Variants in TUSC3 observed in about 807,000 individuals in gnomAD.
The protein encoded by TUSC3 is dolichyl-diphosphooligosaccharide--protein glycosyltransferase subunit TUSC3.
TUSC3 carries 45 observed loss-of-function variants against 44.8 expected under a neutral mutation model. That is an observed-to-expected ratio of 1.00 (90% confidence interval 0.79 to 1.29). The LOEUF is 1.29. Among genes scored for constraint, TUSC3 ranks in the 50% most tolerant of loss-of-function variants. TUSC3 has a pLI of 0.00. For missense variants in TUSC3, 519 were observed against 437.9 expected, an observed-to-expected ratio of 1.19 and a Z score of -1.65; for synonymous variants, 212 against 152.9, an observed-to-expected ratio of 1.39 and a Z score of -2.85.
chr8:15,710,054 C>CT (rs1809780207), intron 6 of TUSC3, among the ~76,000 whole-genome samples: 1 of 151,858 alleles, frequency 6.6e-6, no homozygotes, highest in Non-Finnish European at 1.5e-5. Context: ...GTGGACTTAT[C>CT]TACAGTCTAT....
chr8:15,540,166 C>T (rs556251282), upstream of TUSC3: 16 of 423,366 alleles, frequency 3.8e-5, no homozygotes, highest in Admixed American at 9.2e-5. Context: ...CGGGAGCGCA[C>T]GCCGCGCCCC....
chr8:15,496,211 T>C (rs1197099635), intron 2 of TUSC3, among the ~76,000 whole-genome samples: 4 of 152,228 alleles, frequency 2.6e-5, no homozygotes, highest in African/African-American at 9.6e-5. Context: ...TCTGCTACAT[T>C]TTCTAGCTTC....
intron 7 of TUSC3, chr8:15,733,292 A>G (rs1810796680): frequency 8.6e-6 from 3 of 348,570 alleles, no homozygotes; most frequent in Admixed American, 8.3e-5. Context: ...ATAGAAACAT[A>G]AAGCATTTGT....
chr8:15,583,592 G>C (rs1001774552), intron 1 of TUSC3, among the ~76,000 whole-genome samples: 5 of 152,148 alleles, frequency 3.3e-5, no homozygotes, highest in African/African-American at 1.2e-4. Context: ...TTCAATGTAA[G>C]AAAGAAGAAT....
intron 1 of TUSC3, among the ~76,000 whole-genome samples, chr8:15,481,370 C>G (rs1237874344): frequency 6.6e-6 from 1 of 151,968 alleles, no homozygotes; most frequent in East Asian, 1.9e-4. Flanking sequence ...TAGCAGCTTC[C>G]TTATTAAAGG....
chr8:15,691,590 C>T (rs1251414494), intron 6 of TUSC3, among the ~76,000 whole-genome samples: 2 of 152,106 alleles, frequency 1.3e-5, no homozygotes, highest in Non-Finnish European at 2.9e-5. Flanking sequence ...CTTGTTCCAG[C>T]TTTCAAGGGG....
intron 1 of TUSC3, among the ~76,000 whole-genome samples, chr8:15,593,113 TCTCA>T (rs1434366947): frequency 1.3e-5 from 2 of 152,118 alleles, no homozygotes; most frequent in Non-Finnish European, 2.9e-5. Context: ...TGAGACGGAG[TCTCA>T]CTCTGTTGCC....
chr8:15,576,449 AT>A (rs1327552728), intron 1 of TUSC3, among the ~76,000 whole-genome samples: 1 of 122,256 alleles, frequency 8.2e-6, no homozygotes, highest in Admixed American at 8.3e-5. Context: ...TCCCAATGCT[AT>A]CCCTCCCCCC....
intron 1 of TUSC3, among the ~76,000 whole-genome samples, chr8:15,463,483 G>A (rs888466288): frequency 6.6e-6 from 1 of 152,096 alleles, no homozygotes; most frequent in Non-Finnish European, 1.5e-5. Context: ...TCACCTGATT[G>A]TGCAGTTTAT....
intron 2 of TUSC3, among the ~76,000 whole-genome samples, chr8:15,503,503 G>C (rs778356295): frequency 1.3e-5 from 2 of 151,878 alleles, no homozygotes; most frequent in Non-Finnish European, 2.9e-5. Context: ...AATTTAAGTA[G>C]GCTTTGCTTC....
At chr8:15,719,516 C>CA (rs1554481164) in intron 6 of TUSC3, among the ~76,000 whole-genome samples, 10 of 16,244 alleles carry the variant, frequency 6.2e-4, no homozygotes, top group African/African-American at 1.9e-3. Context: ...CACACACACA[C>CA]CACACACACA....
the TUSC3 span, among the ~76,000 whole-genome samples, chr8:15,798,954 C>G: frequency 6.6e-6 from 1 of 152,172 alleles, no homozygotes; most frequent in Non-Finnish European, 1.5e-5. Flanking sequence ...TCCAGTGGGT[C>G]TCCTATATCA....
chr8:15,645,711 T>G (rs1806595721), intron 2 of TUSC3, among the ~76,000 whole-genome samples: 1 of 152,140 alleles, frequency 6.6e-6, no homozygotes, highest in Admixed American at 6.5e-5. Context: ...GGATATCACA[T>G]GATGATTTAG....
At chr8:15,769,099 A>C (rs998116932), downstream of TUSC3, among the ~76,000 whole-genome samples, 1 of 152,182 alleles carries the variant, frequency 6.6e-6, no homozygotes, top group Non-Finnish European at 1.5e-5. Flanking sequence ...GGAACCAAAA[A>C]AAAGCCTGCA....
In TUSC3 at chr8:15,540,536, A is replaced by C; in HGVS notation, c.106A>C (p.Ile36Leu). 6.2e-7 allele frequency: 1 copy of C among 1,602,472 alleles called. No individual in the cohort carries two copies. Residue 36 changes from isoleucine (I) to leucine (L), a missense_variant, in exon 1 of 11, where the codon ATC becomes CTC. Physicochemically the swap from Ile to Leu is conservative, Grantham distance 5. Coordinates refer to ENST00000503731, the MANE Select transcript of TUSC3 (RefSeq NM_006765.4). ...CCTTCTCCTGCTGCTGCTGCTCTGC[A>C]TCCAGCTCGGGGGAGGACAGAAGAA... ...PFLLLLLLLCIQLGGGQKKKE... is the reference protein window; with the variant it reads ...PFLLLLLLLCLQLGGGQKKKE...
the TUSC3 span, among the ~76,000 whole-genome samples, chr8:15,811,828 A>G: frequency 6.6e-6 from 1 of 152,162 alleles, no homozygotes; most frequent in Admixed American, 6.5e-5. Flanking sequence ...GAGGGCTGTC[A>G]CATTTGTCTG....
intron 1 of TUSC3, among the ~76,000 whole-genome samples, chr8:15,573,194 CTCTCTCTCTATATATATA>C: frequency 9.5e-6 from 1 of 104,744 alleles, no homozygotes; most frequent in East Asian, 3.2e-4. Context: ...CTCTCTCTCT[CTCTCTCTCTATATATATA>C]TATATATATA....
intron 2 of TUSC3, among the ~76,000 whole-genome samples, chr8:15,513,429 C>G (rs1801170311): frequency 6.6e-6 from 1 of 152,074 alleles, no homozygotes; most frequent in African/African-American, 2.4e-5. Flanking sequence ...GAACTGCAGA[C>G]TGTAATTTAA....
chr8:15,447,579 A>T (rs563282791), intron 1 of TUSC3, among the ~76,000 whole-genome samples: 2 of 152,302 alleles, frequency 1.3e-5, no homozygotes, highest in East Asian at 3.9e-4. Flanking sequence ...GTACAAATTC[A>T]TGTTTAAAAT....
Sources: allele counts gnomAD v4.1 joint callset (sites outside exome capture counted in the v4.1 genomes callset), GRCh38; gene constraint gnomAD v4.1.1; transcripts MANE v1.5; gene names NCBI Gene and HGNC (gene_info 2026-07-23, HGNC 2026-07-21).